The following ZMYM2 variants were observed in gnomAD, a reference collection of about 807,000 sequenced individuals.
The protein encoded by ZMYM2 is zinc finger MYM-type containing 2.
ZMYM2 carries 56 observed loss-of-function variants against 162.8 expected under a neutral mutation model. The ratio of observed to expected loss-of-function variants is 0.34; its 90% CI spans 0.28 to 0.43. The LOEUF is 0.43. Among genes scored for constraint, ZMYM2 ranks in the 20% least tolerant of loss-of-function variants. The probability of loss-of-function intolerance (pLI) is 1.00; values close to 1 mark genes in which losing one functional copy is unlikely to be tolerated. For synonymous variants in ZMYM2, 510 were observed against 541.6 expected, an observed-to-expected ratio of 0.94 and a Z score of 0.81; for missense variants, 1,275 against 1,621.8, an observed-to-expected ratio of 0.79 and a Z score of 3.67.
chr13:19,988,966 A>C (rs1051230664), intron 2 of ZMYM2, among the ~76,000 whole-genome samples: 1 of 152,102 alleles, frequency 6.6e-6, no homozygotes, highest in African/African-American at 2.4e-5. Context: ...ATTCAGTCAG[A>C]TGCTTAGCTG....
chr13:20,034,226 CT>C, intron 10 of ZMYM2, 27 bp from the exon 11 acceptor site: 1 of 1,015,328 alleles, frequency 9.8e-7, no homozygotes, highest in Non-Finnish European at 1.3e-6. Context: ...TCGTCATATA[CT>C]TACCAAGGTT....
At chr13:19,966,457 C>CT (rs71070277) in intron 2 of ZMYM2, among the ~76,000 whole-genome samples, 38,619 of 141,270 alleles carry the variant, frequency 0.27, 6,120 homozygotes, top group Admixed American at 0.36. Flanking sequence ...GTCTATAATT[C>CT]TTTTTTTTTT....
At position 20,026,685 on chromosome 13, in the gene ZMYM2, G is replaced by A; in HGVS notation, c.1658G>A (p.Gly553Asp). The A allele has an allele frequency of 6.2e-7, 1 of 1,610,482 alleles. No individual in the cohort carries two copies. Among genetic ancestry groups the A allele is most frequent in the Non-Finnish European group, 8.5e-7 (1 of 1,179,170 alleles). Residue 553 changes from glycine to aspartate, a missense_variant, in exon 8 of 25, where the codon GGT (glycine) becomes GAT (aspartate). Transcript: ENST00000610343. Reference sequence around the variant, plus strand: ...TTTTTTGATATGACTCAGTGTATAGGTCCTAATGGATATATGGAGCCATAT... The same window carrying A: ...TTTTTTGATATGACTCAGTGTATAGATCCTAATGGATATATGGAGCCATAT... ...CRFFDMTQCI[G>D]PNGYMEPYCS... is the part of the protein sequence containing the mutation.
chr13:20,038,622 T>C (rs984952736), intron 12 of ZMYM2, among the ~76,000 whole-genome samples: 2 of 152,138 alleles, frequency 1.3e-5, no homozygotes, highest in African/African-American at 4.8e-5. Flanking sequence ...TCTGTTCCAT[T>C]GGTCTATGTG....
chr13:20,073,051 G>T (rs1352966724), intron 21 of ZMYM2, among the ~76,000 whole-genome samples: 1 of 152,048 alleles, frequency 6.6e-6, no homozygotes, highest in Non-Finnish European at 1.5e-5. Context: ...GGGATTACAG[G>T]TGCCTGCCAC....
the ZMYM2 span, among the ~76,000 whole-genome samples, chr13:19,880,107 A>G: frequency 1.3e-5 from 2 of 152,150 alleles, no homozygotes. Context: ...ACTTCCTACC[A>G]TGACTGAATT....
intron 9 of ZMYM2, among the ~76,000 whole-genome samples, chr13:20,029,487 C>A (rs1016064932): frequency 2.0e-5 from 3 of 151,602 alleles, no homozygotes; most frequent in African/African-American, 7.3e-5. Flanking sequence ...TTTTTGGAAA[C>A]GCTAAGAGTA....
chr13:19,965,791 TGAGACG>T (rs1479513555), intron 2 of ZMYM2, among the ~76,000 whole-genome samples: 1 of 145,074 alleles, frequency 6.9e-6, no homozygotes, highest in Admixed American at 6.8e-5. Context: ...TTTTTTTTTT[TGAGACG>T]GAGTCTTGCT....
At chr13:19,999,888 C>T (rs763706769) in intron 3 of ZMYM2, among the ~76,000 whole-genome samples, 1 of 152,194 alleles carries the variant, frequency 6.6e-6, no homozygotes, top group Non-Finnish European at 1.5e-5. Context: ...GCCTCTGCCT[C>T]ACAGGCTCAA....
At chr13:20,054,343 TA>T (rs1955617652) in intron 14 of ZMYM2, among the ~76,000 whole-genome samples, 2 of 152,216 alleles carry the variant, frequency 1.3e-5, no homozygotes, top group African/African-American at 4.8e-5. Flanking sequence ...GTAAAGAACA[TA>T]AACTTTGACA....
intron 2 of ZMYM2, among the ~76,000 whole-genome samples, chr13:19,988,471 T>TA: frequency 6.6e-6 from 1 of 152,182 alleles, no homozygotes; most frequent in Non-Finnish European, 1.5e-5. Flanking sequence ...TGTTAGGTCT[T>TA]AGAGATTCAG....
intron 2 of ZMYM2, among the ~76,000 whole-genome samples, chr13:19,962,800 A>G (rs1955388096): frequency 6.8e-6 from 1 of 147,832 alleles, no homozygotes; most frequent in South Asian, 2.1e-4. Flanking sequence ...CTGAGATTAC[A>G]GGCGTAAGCC....
At chr13:19,906,397 G>GTA in the ZMYM2 span, among the ~76,000 whole-genome samples, 397 of 143,186 alleles carry the variant, frequency 2.8e-3, 2 homozygotes, top group African/African-American at 9.3e-3. Context: ...ATGTATGTGT[G>GTA]TATATATATA....
upstream of ZMYM2, chr13:19,958,558 C>T (rs1286182684): frequency 6.6e-6 from 1 of 151,408 alleles, no homozygotes; most frequent in African/African-American, 2.4e-5. Context: ...GTGGCCCGCA[C>T]CTGACGGACA....
intron 1 of ZMYM2, among the ~76,000 whole-genome samples, chr13:19,959,493 T>C (rs992844316): frequency 6.6e-6 from 1 of 152,030 alleles, no homozygotes; most frequent in African/African-American, 2.4e-5. Flanking sequence ...GGTCGCCGAC[T>C]GCAGGGGGGG....
the ZMYM2 span, among the ~76,000 whole-genome samples, chr13:19,907,739 G>GTGA: frequency 9.5e-6 from 1 of 105,016 alleles, no homozygotes; most frequent in Non-Finnish European, 1.7e-5. Context: ...TCCAGCCTGG[G>GTGA]CAATGGAATG....
chr13:19,870,916 T>G, the ZMYM2 span, among the ~76,000 whole-genome samples: 1 of 152,180 alleles, frequency 6.6e-6, no homozygotes, highest in Admixed American at 6.6e-5. Context: ...CTTGAACCAC[T>G]GCGCCTGGCC....
At chr13:19,871,992 G>C in the ZMYM2 span, among the ~76,000 whole-genome samples, 1 of 151,824 alleles carries the variant, frequency 6.6e-6, no homozygotes, top group Non-Finnish European at 1.5e-5. Context: ...TATTTTTTGA[G>C]ATGGTCTCAC....
chr13:19,891,963 G>T, the ZMYM2 span, among the ~76,000 whole-genome samples: 28 of 151,688 alleles, frequency 1.8e-4, no homozygotes, highest in Admixed American at 1.8e-3. Context: ...CCTCATTAAG[G>T]CAGGGTCTCA....
Sources: allele counts gnomAD v4.1 joint callset (sites outside exome capture counted in the v4.1 genomes callset), GRCh38; gene constraint gnomAD v4.1.1; transcripts MANE v1.5; gene names NCBI Gene and HGNC (gene_info 2026-07-23, HGNC 2026-07-21).